TACR1: variants seen among roughly 807,000 people sequenced by gnomAD.
The protein encoded by TACR1 is tachykinin receptor 1.
TACR1 carries 25 observed loss-of-function variants against 35.8 expected under a neutral mutation model. The observed-to-expected ratio is 0.70, with a 90% CI of 0.51 to 0.98. TACR1 has a LOEUF of 0.98. Ranked by LOEUF, TACR1 falls within the 50% of genes least tolerant of loss-of-function variation. The pLI is 0.00. For synonymous variants in TACR1, 195 were observed against 206.7 expected (o/e 0.94, Z 0.48); for missense variants, 478 against 522.9 (o/e 0.91, Z 0.84).
At chr2:75,115,906 C>CA (rs1158476632) in intron 2 of TACR1, among the ~76,000 whole-genome samples, 729 of 54,386 alleles carry the variant, frequency 0.013, 51 homozygotes, top group African/African-American at 0.041. Context: ...GACTCCGTCT[C>CA]AAAAAAAAAA....
chr2:75,116,852 C>T (rs1367244229), intron 2 of TACR1, among the ~76,000 whole-genome samples: 1 of 151,798 alleles, frequency 6.6e-6, no homozygotes, highest in African/African-American at 2.4e-5. Flanking sequence ...GGAGGTTGCA[C>T]TGAGCTGAGA....
At chr2:75,138,669 C>T (rs1210745549) in intron 1 of TACR1, among the ~76,000 whole-genome samples, 1 of 152,108 alleles carries the variant, frequency 6.6e-6, no homozygotes, top group East Asian at 1.9e-4. Flanking sequence ...ATGTCAAGGA[C>T]TGGGGGATCT....
intron 1 of TACR1, among the ~76,000 whole-genome samples, chr2:75,165,600 G>A (rs1279414060): frequency 3.3e-5 from 5 of 152,080 alleles, no homozygotes; most frequent in African/African-American, 9.7e-5. Context: ...GAGCCACTGC[G>A]CCTGGCCCCA....
chr2:75,131,979 A>C (rs1427688731), intron 1 of TACR1, among the ~76,000 whole-genome samples: 2 of 152,190 alleles, frequency 1.3e-5, no homozygotes, highest in East Asian at 3.8e-4. Flanking sequence ...AAATCTGGCA[A>C]ACAAAAAAGA....
At chr2:75,167,354 T>G (rs956435706) in intron 1 of TACR1, among the ~76,000 whole-genome samples, 1 of 152,122 alleles carries the variant, frequency 6.6e-6, no homozygotes, top group Non-Finnish European at 1.5e-5. Context: ...AGTAGCATGG[T>G]GTATATAGGA....
At chr2:75,190,216 A>G (rs546212970) in intron 1 of TACR1, among the ~76,000 whole-genome samples, 1 of 152,356 alleles carries the variant, frequency 6.6e-6, no homozygotes, top group African/African-American at 2.4e-5. Flanking sequence ...CAGATATTAA[A>G]CAATGATGCT....
chr2:75,161,306 TATC>T (rs1675003885), intron 1 of TACR1, among the ~76,000 whole-genome samples: 1 of 152,088 alleles, frequency 6.6e-6, no homozygotes, highest in South Asian at 2.1e-4. Flanking sequence ...ATAGTTATAA[TATC>T]ATTATGAGGC....
At chr2:75,098,437 A>G (rs1462622012) in intron 2 of TACR1, among the ~76,000 whole-genome samples, 1 of 152,170 alleles carries the variant, frequency 6.6e-6, no homozygotes, top group Non-Finnish European at 1.5e-5. Context: ...ATAGAAAATT[A>G]TCTTTTTTAC....
At chr2:75,179,471 C>G (rs185468417) in intron 1 of TACR1, among the ~76,000 whole-genome samples, 98 of 152,304 alleles carry the variant, frequency 6.4e-4, no homozygotes, top group African/African-American at 2.2e-3. Context: ...TAGATAAGAT[C>G]ATGTCCCTTC....
chr2:75,157,562 G>A (rs1674893473), intron 1 of TACR1, among the ~76,000 whole-genome samples: 1 of 152,206 alleles, frequency 6.6e-6, no homozygotes, highest in Admixed American at 6.5e-5. Flanking sequence ...TGGCCAGGCA[G>A]CCCTGAAATA....
intron 2 of TACR1, among the ~76,000 whole-genome samples, chr2:75,057,068 T>C (rs1573458475): frequency 6.6e-6 from 1 of 152,248 alleles, no homozygotes; most frequent in East Asian, 1.9e-4. Context: ...TGCAATGGAA[T>C]ATCATTCTGT....
chr2:75,062,743 C>T (rs1672693966), intron 2 of TACR1, among the ~76,000 whole-genome samples: 2 of 152,216 alleles, frequency 1.3e-5, no homozygotes, highest in African/African-American at 4.8e-5. Context: ...ACGTGCCAAT[C>T]TGTACCAGTT....
chr2:75,120,090 G>A (rs1417280036), intron 2 of TACR1, among the ~76,000 whole-genome samples: 1 of 152,052 alleles, frequency 6.6e-6, no homozygotes, highest in Non-Finnish European at 1.5e-5. Context: ...AGTGCAAAGT[G>A]AAAGCAAGTT....
chr2:75,089,000 A>C (rs1673244579), intron 2 of TACR1, among the ~76,000 whole-genome samples: 1 of 152,112 alleles, frequency 6.6e-6, no homozygotes, highest in Admixed American at 6.5e-5. Flanking sequence ...CTTGGGATGC[A>C]TGTAGGCACT....
At chr2:75,149,289 T>C (rs1165724209) in intron 1 of TACR1, among the ~76,000 whole-genome samples, 1 of 151,890 alleles carries the variant, frequency 6.6e-6, no homozygotes, top group Non-Finnish European at 1.5e-5. Flanking sequence ...ATGTCAATGG[T>C]AGTTTGATGG....
At chr2:75,154,414 A>ACGCGCGCGCG (rs1558572302) in intron 1 of TACR1, 8 of 81,176 alleles carry the variant, frequency 9.9e-5, no homozygotes, top group African/African-American at 3.7e-4. Flanking sequence ...GCGCACGCAC[A>ACGCGCGCGCG]CACACACACA....
chr2:75,152,907 T>G (rs1313708654), intron 1 of TACR1, among the ~76,000 whole-genome samples: 3 of 152,160 alleles, frequency 2.0e-5, no homozygotes, highest in Admixed American at 6.5e-5. Flanking sequence ...TTTGTTTGTT[T>G]GTTTGGTATT....
chr2:75,095,199 G>A (rs1673398465), intron 2 of TACR1, among the ~76,000 whole-genome samples: 1 of 152,170 alleles, frequency 6.6e-6, no homozygotes, highest in Non-Finnish European at 1.5e-5. Context: ...GGCTGAGGAA[G>A]TGGACATGTG....
intron 2 of TACR1, among the ~76,000 whole-genome samples, chr2:75,090,549 T>C (rs564451273): frequency 6.6e-6 from 1 of 152,244 alleles, no homozygotes; most frequent in South Asian, 2.1e-4. Context: ...ACTCAACCAA[T>C]TGTCAAGCAA....
Sources: gnomAD v4.1 joint callset for allele counts (sites outside exome capture counted in the v4.1 genomes callset) on GRCh38, gnomAD v4.1.1 for gene constraint, MANE v1.5 for transcripts, NCBI Gene and HGNC (gene_info 2026-07-23, HGNC 2026-07-21) for gene names.